NEMP2: variants seen among roughly 807,000 people sequenced by gnomAD.
NEMP2 encodes the protein nuclear envelope integral membrane protein 2.
Under a neutral mutation model 54.2 loss-of-function variants are expected in NEMP2, and 53 were observed. That is an observed-to-expected ratio of 0.98 (90% confidence interval 0.78 to 1.23). The LOEUF is 1.23. NEMP2 is among the 50% of genes most tolerant of loss of function. The pLI, the probability that NEMP2 is intolerant of heterozygous loss-of-function variation, is 0.00. For synonymous variants in NEMP2, 197 were observed against 190.3 expected (o/e 1.04, Z -0.29); for missense variants, 455 against 511.3 (o/e 0.89, Z 1.06).
At chr2:190,546,555 A>G in the NEMP2 span, among the ~76,000 whole-genome samples, 2 of 152,174 alleles carry the variant, frequency 1.3e-5, no homozygotes, top group African/African-American at 4.8e-5. This position sits in a 1 kb window ranked among gnomAD's most constrained non-coding sequence, Gnocchi z 5.1. Context: ...AATAAAGTCC[A>G]TCTACCTGAA....
At chr2:190,547,443 C>T in the NEMP2 span, among the ~76,000 whole-genome samples, 1 of 152,164 alleles carries the variant, frequency 6.6e-6, no homozygotes, top group Non-Finnish European at 1.5e-5. This position sits in a 1 kb window ranked among gnomAD's most constrained non-coding sequence, Gnocchi z 6.2. Context: ...TGTATTTTTC[C>T]CCTATTAATC....
the NEMP2 span, among the ~76,000 whole-genome samples, chr2:190,458,920 G>C: frequency 6.6e-6 from 1 of 152,160 alleles, no homozygotes; most frequent in African/African-American, 2.4e-5. This position sits in a 1 kb window ranked among gnomAD's most constrained non-coding sequence, Gnocchi z 5.3. Flanking sequence ...CTAGGATCAA[G>C]TTCAGCTGAG....
chr2:190,614,733 C>G, the NEMP2 span, among the ~76,000 whole-genome samples: 1 of 152,218 alleles, frequency 6.6e-6, no homozygotes, highest in Non-Finnish European at 1.5e-5. The surrounding 1 kb of genome is among the most constrained non-coding windows in gnomAD (Gnocchi z 5.7). Flanking sequence ...TCAAAACCAA[C>G]TCAAAACATG....
chr2:190,641,025 T>G, the NEMP2 span: 1 of 152,204 alleles, frequency 6.6e-6, no homozygotes, highest in Non-Finnish European at 1.5e-5. Context: ...CTGTCCCAAC[T>G]ACTCCATCCC....
chr2:190,630,802 C>T, the NEMP2 span, among the ~76,000 whole-genome samples: 5 of 151,724 alleles, frequency 3.3e-5, no homozygotes, highest in African/African-American at 1.2e-4. The surrounding 1 kb of genome is among the most constrained non-coding windows in gnomAD (Gnocchi z 5.5). Context: ...TTTCATGAAC[C>T]TTTTGAACTA....
At chr2:190,579,100 TAGAA>T in the NEMP2 span, among the ~76,000 whole-genome samples, 23,246 of 152,022 alleles carry the variant, frequency 0.15, 1,841 homozygotes, top group East Asian at 0.28. Context: ...AACTGTAAGT[TAGAA>T]ATAAATACTT....
the NEMP2 span, among the ~76,000 whole-genome samples, chr2:190,443,872 T>C: frequency 1.3e-5 from 2 of 152,112 alleles, no homozygotes; most frequent in African/African-American, 2.4e-5. This position sits in a 1 kb window ranked among gnomAD's most constrained non-coding sequence, Gnocchi z 4.2. Flanking sequence ...CTGGGCAACA[T>C]GGTGAGACCT....
chr2:190,613,590 T>G, the NEMP2 span, among the ~76,000 whole-genome samples: 1 of 152,036 alleles, frequency 6.6e-6, no homozygotes, highest in Non-Finnish European at 1.5e-5. Context: ...ACTTCACCAA[T>G]AATTTATTTT....
intron 4 of NEMP2, 149 bp from the exon 5 acceptor site, chr2:190,517,762 A>G: frequency 1.6e-6 from 1 of 627,072 alleles, no homozygotes; most frequent in Non-Finnish European, 2.8e-6. Context: ...ACTCTTAAAA[A>G]ACAAAATGGG....
At chr2:190,434,625 G>T in the NEMP2 span, among the ~76,000 whole-genome samples, 9 of 152,046 alleles carry the variant, frequency 5.9e-5, no homozygotes, top group Non-Finnish European at 1.5e-5. The surrounding 1 kb of genome is among the most constrained non-coding windows in gnomAD (Gnocchi z 4.3). Context: ...GTAGAAACGG[G>T]GTTTCACCAT....
intron 1 of NEMP2, among the ~76,000 whole-genome samples, chr2:190,526,545 T>C (rs1690943274): frequency 6.6e-6 from 1 of 152,170 alleles, no homozygotes; most frequent in Non-Finnish European, 1.5e-5. Flanking sequence ...TGAAGCAATC[T>C]AAACAAGAAA....
chr2:190,437,110 AAGC>A, the NEMP2 span: 1 of 1,614,110 alleles, frequency 6.2e-7, no homozygotes, highest in Non-Finnish European at 8.5e-7. The surrounding 1 kb of genome is among the most constrained non-coding windows in gnomAD (Gnocchi z 5.9). Flanking sequence ...AAAGGGGTGT[AAGC>A]CCCCCGAGTA....
At chr2:190,481,996 T>TC in the NEMP2 span, among the ~76,000 whole-genome samples, 9 of 152,172 alleles carry the variant, frequency 5.9e-5, no homozygotes, top group African/African-American at 2.2e-4. Flanking sequence ...TTTCCCAGCC[T>TC]CCCTTGCAGT....
the NEMP2 span, among the ~76,000 whole-genome samples, chr2:190,556,645 A>G: frequency 6.6e-6 from 1 of 152,236 alleles, no homozygotes; most frequent in African/African-American, 2.4e-5. Context: ...AGGATACAAA[A>G]TGAATGTGCA....
At chr2:190,432,091 C>A in the NEMP2 span, among the ~76,000 whole-genome samples, 5 of 152,144 alleles carry the variant, frequency 3.3e-5, no homozygotes, top group African/African-American at 9.7e-5. Flanking sequence ...GGTAATTACT[C>A]ATATTTAGTG....
At chr2:190,497,019 G>C in the NEMP2 span, among the ~76,000 whole-genome samples, 1 of 152,082 alleles carries the variant, frequency 6.6e-6, no homozygotes, top group Non-Finnish European at 1.5e-5. The surrounding 1 kb of genome is among the most constrained non-coding windows in gnomAD (Gnocchi z 5.2). Context: ...GAGAACTTAC[G>C]TAACCAAATA....
At chr2:190,477,614 A>C in the NEMP2 span, among the ~76,000 whole-genome samples, 1 of 152,212 alleles carries the variant, frequency 6.6e-6, no homozygotes, top group African/African-American at 2.4e-5. Flanking sequence ...AGATATATTA[A>C]ATGGTGACTA....
At chr2:190,511,510 GT>G (rs1188697035) in intron 7 of NEMP2, among the ~76,000 whole-genome samples, 1 of 148,670 alleles carries the variant, frequency 6.7e-6, no homozygotes, top group African/African-American at 2.5e-5. Flanking sequence ...CAATAATAAG[GT>G]TTTTAAAACA....
At chr2:190,490,628 G>A in the NEMP2 span, among the ~76,000 whole-genome samples, 1 of 151,982 alleles carries the variant, frequency 6.6e-6, no homozygotes, top group Admixed American at 6.6e-5. This position sits in a 1 kb window ranked among gnomAD's most constrained non-coding sequence, Gnocchi z 4.5. Context: ...CTCTGAACCA[G>A]GGATGCCTTT....
Sources: gnomAD v4.1 joint callset for allele counts (sites outside exome capture counted in the v4.1 genomes callset) on GRCh38, gnomAD v4.1.1 for gene constraint, Gnocchi (gnomAD v3.1) non-coding constraint, MANE v1.5 for transcripts, NCBI Gene and HGNC (gene_info 2026-07-23, HGNC 2026-07-21) for gene names.